Variants in ZMYND8 observed in about 807,000 individuals in gnomAD.
ZMYND8 encodes the protein MYND-type zinc finger-containing chromatin reader ZMYND8.
A neutral mutation model predicts 140.8 loss-of-function variants in ZMYND8; 37 were observed. That is an observed-to-expected ratio of 0.26 (90% CI 0.20 to 0.35). ZMYND8 has a LOEUF of 0.35. Among genes scored for constraint, ZMYND8 ranks in the 10% least tolerant of loss-of-function variants. The pLI is 1.00. For missense variants in ZMYND8, 1,068 were observed against 1,570.0 expected (o/e 0.68, Z 5.40); for synonymous variants, 592 against 597.1 (o/e 0.99, Z 0.12).
chr20:47,334,151 T>C (rs1388129630), intron 2 of ZMYND8, among the ~76,000 whole-genome samples: 1 of 152,158 alleles, frequency 6.6e-6, no homozygotes, highest in Non-Finnish European at 1.5e-5. Context: ...GAAAACAGAA[T>C]GGTCGTATAG....
chr20:47,236,627 T>C, intron 15 of ZMYND8, 111 bp from the exon 16 acceptor site: 1 of 1,170,242 alleles, frequency 8.5e-7, no homozygotes, highest in Non-Finnish European at 1.2e-6. Flanking sequence ...TTTTCTACTT[T>C]TAAATGACAA....
chr20:47,260,721 A>G (rs752353373), intron 12 of ZMYND8, among the ~76,000 whole-genome samples: 2 of 152,232 alleles, frequency 1.3e-5, no homozygotes, highest in Non-Finnish European at 1.5e-5. Flanking sequence ...GGTGTGAACT[A>G]TCTTGGTGTG....
At chr20:47,289,937 T>C (rs2077152278) in intron 7 of ZMYND8, among the ~76,000 whole-genome samples, 1 of 152,248 alleles carries the variant, frequency 6.6e-6, no homozygotes, top group Non-Finnish European at 1.5e-5. Flanking sequence ...TATGCAATTA[T>C]ACTTCCATTA....
chr20:47,318,989 C>T, intron 2 of ZMYND8: 1 of 1,351,520 alleles, frequency 7.4e-7, no homozygotes, highest in South Asian at 1.1e-5. Flanking sequence ...AGGGCCTAGC[C>T]TCTCTTGTTC....
At chr20:47,272,824 A>G (rs923035501) in intron 11 of ZMYND8, among the ~76,000 whole-genome samples, 10 of 152,228 alleles carry the variant, frequency 6.6e-5, no homozygotes, top group Non-Finnish European at 1.2e-4. Flanking sequence ...TTCACTGGTG[A>G]GGCTACTATA....
rs74604636 is a variant in ZMYND8 at position 47,279,090 on chromosome 20, G to A, written c.999-2295C>T. On this transcript the variant is annotated intron_variant, in intron 10 of 22. Coordinates refer to ENST00000471951, the MANE Select transcript of ZMYND8 (RefSeq NM_001281775.3). ...CCACCTCACCCACACACTTCTGTCC[G>A]GTATCTAAGGCGCTCACTGTTCCCT... 8.5e-5 allele frequency among the ~76,000 whole-genome samples: 13 copies of A among 152,168 alleles called. No individual in the cohort carries two copies. In the East Asian group the frequency reaches 2.5e-3, roughly 29 times the overall value.
chr20:47,282,048 C>A, intron 10 of ZMYND8, 54 bp downstream of exon 10: 2 of 1,423,034 alleles, frequency 1.4e-6, no homozygotes, highest in Non-Finnish European at 2.0e-6. Flanking sequence ...TATCTCATAA[C>A]AGTATCAAAG....
chr20:47,318,808 G>A (rs1040757694), intron 2 of ZMYND8: 1 of 562,470 alleles, frequency 1.8e-6, no homozygotes, highest in Admixed American at 2.3e-5. Context: ...TCCAGAGCCG[G>A]GATAGGGAGG....
intron 16 of ZMYND8, 120 bp downstream of exon 16, chr20:47,236,206 A>AG: frequency 8.5e-7 from 1 of 1,177,300 alleles, no homozygotes; most frequent in Non-Finnish European, 1.2e-6. Flanking sequence ...TTTAAAAAAA[A>AG]GGGTCTTCAC....
At chr20:47,258,183 T>G (rs917226805) in intron 12 of ZMYND8, among the ~76,000 whole-genome samples, 5 of 152,204 alleles carry the variant, frequency 3.3e-5, no homozygotes, top group African/African-American at 1.2e-4. Context: ...CCTTACCCCC[T>G]GACCCCCAAA....
At chr20:47,233,568 AT>A (rs2038832575) in intron 16 of ZMYND8, among the ~76,000 whole-genome samples, 1 of 152,158 alleles carries the variant, frequency 6.6e-6, no homozygotes, top group African/African-American at 2.4e-5. Context: ...GACCATGAAC[AT>A]TTGTGGTCAG....
At chr20:47,292,946 C>A (rs1237952248) in intron 5 of ZMYND8, among the ~76,000 whole-genome samples, 2 of 151,320 alleles carry the variant, frequency 1.3e-5, no homozygotes, top group Non-Finnish European at 2.9e-5. Context: ...ATCTATAGTT[C>A]CAGCTACTTG....
At chr20:47,342,531 G>A (rs550364350) in intron 2 of ZMYND8, among the ~76,000 whole-genome samples, 73 of 147,016 alleles carry the variant, frequency 5.0e-4, no homozygotes, top group African/African-American at 1.6e-3. Context: ...CTGGGAGACA[G>A]AGCGAGATTC....
At chr20:47,222,904 C>T (rs2037193634) in intron 19 of ZMYND8, among the ~76,000 whole-genome samples, 1 of 152,240 alleles carries the variant, frequency 6.6e-6, no homozygotes. Flanking sequence ...CTATGTCCAT[C>T]CATTTACATA....
Position 47,224,500 on chromosome 20 carries a change from C to T in ZMYND8, c.3073G>A (p.Ala1025Thr), listed in dbSNP as rs367618268. 1.5e-4 allele frequency: 242 copies of T among 1,614,026 alleles called. No homozygotes were observed. The highest frequency in any genetic ancestry group is 1.9e-4 in the Non-Finnish European group (221 of 1,180,050). Residue 1025 changes from alanine (A) to threonine (T), a missense_variant, in exon 19 of 23, where the codon GCC (alanine) becomes ACC (threonine). By Grantham distance (58) the Ala-to-Thr change is moderately conservative (BLOSUM62 0). Coordinates refer to ENST00000471951, the MANE Select transcript of ZMYND8 (RefSeq NM_001281775.3). ...SLEQERDRLI[A>T]EVKKQLELEK... ...AACTCCAGCTGCTTCTTCACCTCGG[C>T]GATGAGCCGGTCCCGCTCCTGCTCC... is the stretch of plus-strand genomic sequence containing the variant.
rs577314172 is a variant in ZMYND8, at chr20:47,255,070, C to G, written c.1622-5631G>C. Among the ~76,000 whole-genome samples the G allele has an allele frequency of 1.1e-3, 169 of 152,224 alleles. 1 individual carries two copies. Among genetic ancestry groups the G allele is most frequent in the African/African-American group, 3.4e-3 (141 of 41,538 alleles). On this transcript the variant is annotated intron_variant, in intron 12 of 22. Coordinates refer to ENST00000471951, the MANE Select transcript of ZMYND8 (RefSeq NM_001281775.3). ...GAGTCAGGCAAAGGTTGCGGAGAGCCAGATCATGCCACTGCACACCAGCCT... is the reference window on the plus strand; with the variant it reads ...GAGTCAGGCAAAGGTTGCGGAGAGCGAGATCATGCCACTGCACACCAGCCT...
At position 47,224,420 on chromosome 20, in the gene ZMYND8, G is replaced by A; in HGVS notation, c.3153C>T (p.Cys1051=). The A allele has an allele frequency of 6.2e-7, 1 of 1,614,274 alleles. No homozygotes were observed. The highest frequency in any genetic ancestry group is 8.5e-7 in the Non-Finnish European group (1 of 1,180,046). ...AGCAGTAAAAGATGGCCTCCTTCTT[G>A]CAGTTGGCGCACCACTGCTTCTTCT... is the stretch of plus-strand genomic sequence containing the variant. ...ETKKKQWCAN[C]KKEAIFYCCW... The change falls in exon 19 of 23, where the codon TGC becomes TGT. Residue 1051 remains cysteine, a synonymous_variant. Transcript: ENST00000471951.
intron 2 of ZMYND8, among the ~76,000 whole-genome samples, chr20:47,331,730 A>C (rs193271210): frequency 6.6e-6 from 1 of 152,306 alleles, no homozygotes; most frequent in East Asian, 1.9e-4. Context: ...GAGAGTGTCC[A>C]CAAGAATAAT....
At chr20:47,257,748 G>A (rs2074858721) in intron 12 of ZMYND8, among the ~76,000 whole-genome samples, 2 of 152,050 alleles carry the variant, frequency 1.3e-5, no homozygotes, top group Admixed American at 6.6e-5. Flanking sequence ...TAATTATAGT[G>A]TAACAGTATA....
Sources: gnomAD v4.1 joint callset for allele counts (sites outside exome capture counted in the v4.1 genomes callset) on GRCh38, gnomAD v4.1.1 for gene constraint, MANE v1.5 for transcripts, NCBI Gene and HGNC (gene_info 2026-07-23, HGNC 2026-07-21) for gene names.